The following HSD17B12 variants were observed in gnomAD, a reference collection of about 807,000 sequenced individuals.
HSD17B12 encodes hydroxysteroid 17-beta dehydrogenase 12, also known as very-long-chain 3-oxoacyl-CoA reductase.
HSD17B12 carries 32 observed loss-of-function variants against 39.3 expected under a neutral mutation model. The observed-to-expected ratio is 0.81, with a 90% CI of 0.61 to 1.09. The LOEUF is 1.09. HSD17B12 is among the 50% of genes least tolerant of loss of function. The pLI is 0.00. For synonymous variants in HSD17B12, 150 were observed against 146.7 expected, an observed-to-expected ratio of 1.02 and a Z score of -0.16; for missense variants, 342 against 382.9, an observed-to-expected ratio of 0.89 and a Z score of 0.89.
chr11:43,816,988 A>G lies in HSD17B12; in HGVS notation c.501+597A>G, dbSNP rs569437805. Among the ~76,000 whole-genome samples, 22 of 38,382 alleles carry G rather than the reference A, an allele frequency of 5.7e-4. 1 individual carries two copies. Among genetic ancestry groups the G allele is most frequent in the African/African-American group, 1.7e-3 (22 of 12,984 alleles). 25.2% of individuals were successfully genotyped at this position (38,382 alleles called of 152,430 possible). On this transcript the variant is annotated intron_variant, in intron 6 of 10. Coordinates refer to ENST00000278353, the MANE Select transcript of HSD17B12 (RefSeq NM_016142.3). ...GAGTAGTATTCCATCATATATATCT[A>G]TATCTATATCTATATCTATATCTAT...
chr11:43,610,117 G>A, the HSD17B12 span, among the ~76,000 whole-genome samples: 1 of 152,138 alleles, frequency 6.6e-6, no homozygotes, highest in Non-Finnish European at 1.5e-5. Flanking sequence ...CTTTCTGAAT[G>A]TATTTTTCCC....
chr11:43,748,222 A>G (rs1950429523), intron 1 of HSD17B12, among the ~76,000 whole-genome samples: 1 of 152,166 alleles, frequency 6.6e-6, no homozygotes, highest in Admixed American at 6.6e-5. Context: ...GGTGCCCATC[A>G]ATGGTAGATT....
At chr11:43,664,015 A>G in the HSD17B12 span, among the ~76,000 whole-genome samples, 2 of 151,772 alleles carry the variant, frequency 1.3e-5, no homozygotes, top group East Asian at 3.9e-4. Context: ...ATGCCTGGCT[A>G]ATTTCTGTAT....
chr11:43,709,443 T>C (rs1480224334), intron 1 of HSD17B12, among the ~76,000 whole-genome samples: 3 of 152,252 alleles, frequency 2.0e-5, no homozygotes, highest in Non-Finnish European at 4.4e-5. Flanking sequence ...AAGACTATTA[T>C]GCATAAGTCC....
intron 3 of HSD17B12, among the ~76,000 whole-genome samples, chr11:43,773,640 T>A (rs1950670734): frequency 6.6e-6 from 1 of 152,168 alleles, no homozygotes; most frequent in Admixed American, 6.6e-5. Context: ...GTATGCAGCC[T>A]CCCCTACTAT....
At chr11:43,757,843 G>A (rs1432653350) in intron 3 of HSD17B12, among the ~76,000 whole-genome samples, 1 of 151,992 alleles carries the variant, frequency 6.6e-6, no homozygotes, top group African/African-American at 2.4e-5. Context: ...GATTCGCAAG[G>A]TGATAAAAGG....
the HSD17B12 span, among the ~76,000 whole-genome samples, chr11:43,665,393 A>T: frequency 6.6e-6 from 1 of 151,978 alleles, no homozygotes; most frequent in Non-Finnish European, 1.5e-5. Context: ...TAATTTTTAA[A>T]TTTTTTGTAG....
the HSD17B12 span, among the ~76,000 whole-genome samples, chr11:43,660,420 A>G: frequency 6.6e-6 from 1 of 152,054 alleles, no homozygotes; most frequent in African/African-American, 2.4e-5. Flanking sequence ...TAAACATGAA[A>G]AGATGCTCAT....
At chr11:43,571,726 G>A in the HSD17B12 span, among the ~76,000 whole-genome samples, 7 of 152,136 alleles carry the variant, frequency 4.6e-5, no homozygotes, top group Non-Finnish European at 1.0e-4. Context: ...AGGGGGAAGG[G>A]GTGGAATTAC....
the HSD17B12 span, among the ~76,000 whole-genome samples, chr11:43,592,332 T>A: frequency 3.3e-5 from 5 of 152,138 alleles, no homozygotes; most frequent in Admixed American, 6.5e-5. Flanking sequence ...TATAATAAAT[T>A]AAAGTAGTAG....
chr11:43,682,503 C>T (rs546940528), intron 1 of HSD17B12, among the ~76,000 whole-genome samples: 1 of 102,960 alleles, frequency 9.7e-6, no homozygotes, highest in East Asian at 2.1e-4. Context: ...GATCATGCCA[C>T]TGCACTCCAT....
At chr11:43,768,739 C>T (rs1169154305) in intron 3 of HSD17B12, among the ~76,000 whole-genome samples, 1 of 152,172 alleles carries the variant, frequency 6.6e-6, no homozygotes, top group Non-Finnish European at 1.5e-5. Flanking sequence ...AACAAACATT[C>T]CACAGCACAG....
At position 43,752,881 on chromosome 11, in the gene HSD17B12, C is replaced by T. The variant is rs11037599; in HGVS notation, c.208-1165C>T. On this transcript the variant is annotated intron_variant, in intron 2 of 10. Coordinates refer to ENST00000278353, the MANE Select transcript of HSD17B12 (RefSeq NM_016142.3). ...TAGTGGTGTTATAACAGATTAATTT[C>T]GCAAATCATCACCAACCTTTTTATT... Among the ~76,000 whole-genome samples, 1,172 of 152,060 alleles carry T rather than the reference C, an allele frequency of 7.7e-3. 9 individuals are homozygous for T. Among genetic ancestry groups the T allele is most frequent in the East Asian group, 0.045 (231 of 5,182 alleles).
At chr11:43,660,570 A>G in the HSD17B12 span, among the ~76,000 whole-genome samples, 2 of 152,252 alleles carry the variant, frequency 1.3e-5, no homozygotes, top group Non-Finnish European at 2.9e-5. Flanking sequence ...GGTGTTGAAG[A>G]TGCACAGCAA....
the HSD17B12 span, among the ~76,000 whole-genome samples, chr11:43,624,565 A>G: frequency 1.3e-5 from 2 of 151,832 alleles, no homozygotes; most frequent in Admixed American, 1.3e-4. Flanking sequence ...CTGTGTAGCT[A>G]GTACAAACTA....
chr11:43,557,077 T>C, the HSD17B12 span: 1 of 152,214 alleles, frequency 6.6e-6, no homozygotes, highest in African/African-American at 2.4e-5. Context: ...TCTTTTTCAT[T>C]GAACAATTAT....
At chr11:43,817,028 CTATATCTATATCTATATA>C (rs1308021699) in intron 6 of HSD17B12, among the ~76,000 whole-genome samples, 13 of 20,138 alleles carry the variant, frequency 6.5e-4, no homozygotes, top group Middle Eastern at 0.033. Context: ...ATATCTATAT[CTATATCTATATCTATATA>C]TATATATATA....
At chr11:43,604,134 C>A in the HSD17B12 span, among the ~76,000 whole-genome samples, 1 of 151,972 alleles carries the variant, frequency 6.6e-6, no homozygotes, top group East Asian at 1.9e-4. Flanking sequence ...GATATATTTA[C>A]CTTATAATAT....
chr11:43,698,003 G>A (rs192880573), intron 1 of HSD17B12, among the ~76,000 whole-genome samples: 46 of 152,348 alleles, frequency 3.0e-4, no homozygotes, highest in African/African-American at 1.1e-3. Context: ...AGCAACTCAG[G>A]AGGTTGGGAG....
Sources: allele counts gnomAD v4.1 joint callset (sites outside exome capture counted in the v4.1 genomes callset), GRCh38; gene constraint gnomAD v4.1.1; transcripts MANE v1.5; gene names NCBI Gene and HGNC (gene_info 2026-07-23, HGNC 2026-07-21).